The following KIAA0319 variants were observed in gnomAD, a reference collection of about 807,000 sequenced individuals.
KIAA0319 encodes KIAA0319.
KIAA0319 carries 83 observed loss-of-function variants against 108.4 expected under a neutral mutation model. The ratio of observed to expected loss-of-function variants is 0.77; its 90% confidence interval spans 0.64 to 0.92. The LOEUF (loss-of-function observed/expected upper bound fraction) is 0.92. KIAA0319 is among the 40% of genes least tolerant of loss of function. The probability of loss-of-function intolerance (pLI) is 0.00; values close to 1 mark genes in which losing one functional copy is unlikely to be tolerated. For synonymous variants in KIAA0319, 484 were observed against 510.4 expected, an observed-to-expected ratio of 0.95 and a Z score of 0.70; for missense variants, 1,195 against 1,322.4, an observed-to-expected ratio of 0.90 and a Z score of 1.49.
At chr6:24,579,816 T>C (rs750684087) in intron 8 of KIAA0319, 42 bp downstream of exon 8, 53 of 1,486,692 alleles carry the variant, frequency 3.6e-5, no homozygotes, top group Middle Eastern at 3.4e-4. Flanking sequence ...TCGTAGCACG[T>C]AGAGAAAAAA....
At chr6:24,573,380 CAGG>C (rs1203089822) in intron 10 of KIAA0319, among the ~76,000 whole-genome samples, 5 of 152,234 alleles carry the variant, frequency 3.3e-5, no homozygotes, top group African/African-American at 1.2e-4. Context: ...CATCCATCAA[CAGG>C]AGGATGGTCA....
chr6:24,614,221 C>T (rs924762847), intron 1 of KIAA0319, among the ~76,000 whole-genome samples: 1 of 152,164 alleles, frequency 6.6e-6, no homozygotes, highest in Non-Finnish European at 1.5e-5. Flanking sequence ...CCAGGACAGA[C>T]GCCTTGGGAG....
intron 10 of KIAA0319, among the ~76,000 whole-genome samples, chr6:24,574,458 T>C (rs1385784535): frequency 6.6e-6 from 1 of 152,152 alleles, no homozygotes; most frequent in East Asian, 1.9e-4. Context: ...ATAATATAAT[T>C]TTGTAAAACT....
At chr6:24,640,283 G>C (rs1351221179) in intron 1 of KIAA0319, among the ~76,000 whole-genome samples, 3 of 152,228 alleles carry the variant, frequency 2.0e-5, no homozygotes, top group East Asian at 3.9e-4. Flanking sequence ...ATGCCATCAG[G>C]GAAATAGAGA....
chr6:24,635,351 G>T (rs1211850982), intron 1 of KIAA0319, among the ~76,000 whole-genome samples: 1 of 152,088 alleles, frequency 6.6e-6, no homozygotes, highest in Non-Finnish European at 1.5e-5. Flanking sequence ...TGACCCAATC[G>T]CCTTGGCCTC....
At chr6:24,548,817 A>G (rs1761011421) in intron 20 of KIAA0319, among the ~76,000 whole-genome samples, 1 of 152,238 alleles carries the variant, frequency 6.6e-6, no homozygotes, top group Non-Finnish European at 1.5e-5. Flanking sequence ...TTTATCCTAA[A>G]AGCAGAGAAA....
intron 14 of KIAA0319, 40 bp from the exon 15 acceptor site, chr6:24,564,380 C>T (rs538514023): frequency 9.3e-6 from 15 of 1,611,312 alleles, no homozygotes; most frequent in African/African-American, 5.3e-5. Flanking sequence ...TGTCAATCCT[C>T]GGGTCCCAAT....
chr6:24,621,188 T>G (rs1457420426), intron 1 of KIAA0319, among the ~76,000 whole-genome samples: 1 of 152,236 alleles, frequency 6.6e-6, no homozygotes, highest in Non-Finnish European at 1.5e-5. Context: ...CGTTAGCATT[T>G]TCATCTGGAG....
intron 11 of KIAA0319, 65 bp downstream of exon 11, chr6:24,572,510 C>T (rs1006869031): frequency 1.3e-5 from 20 of 1,571,098 alleles, no homozygotes; most frequent in Middle Eastern, 1.7e-4. Flanking sequence ...ATCTCCAAAC[C>T]CCAGAAGCCC....
Position 24,547,054 on chromosome 6 carries a change from A to G in KIAA0319, c.*111T>C. ...GTACGTGGGGATACACATCTAACCC[A>G]CTGGGGAAGAAGGTCAATGAACTAT... On this transcript the variant is annotated 3_prime_UTR_variant, in exon 21 of 21. Coordinates refer to ENST00000378214, the MANE Select transcript of KIAA0319 (RefSeq NM_014809.4). The G allele has an allele frequency of 5.1e-6, 6 of 1,165,272 alleles. No individual in the cohort carries two copies. The highest frequency in any genetic ancestry group is 7.5e-6 in the Non-Finnish European group (6 of 801,794). 72.2% of individuals were successfully genotyped at this position (1,165,272 alleles called of 1,614,324 possible). A position where few individuals can be genotyped will look rare whatever the true frequency, so the allele number is the denominator to read the frequency against.
rs1217167594 is a variant in KIAA0319, at chr6:24,547,144, A to G, written c.*21T>C. Reference sequence around the variant, plus strand: ...GGTCTTGGATTCAAGGGGTCCTTCCACTTTACAATGAACTGCGCCATTATC... The same window carrying G: ...GGTCTTGGATTCAAGGGGTCCTTCCGCTTTACAATGAACTGCGCCATTATC... On this transcript the variant is annotated 3_prime_UTR_variant, in exon 21 of 21. Coordinates refer to ENST00000378214, the MANE Select transcript of KIAA0319 (RefSeq NM_014809.4). The G allele has an allele frequency of 6.2e-7, 1 of 1,613,242 alleles. No individual in the cohort carries two copies. Among genetic ancestry groups the G allele is most frequent in the South Asian group, 1.1e-5 (1 of 91,010 alleles).
chr6:24,551,309 C>G, intron 20 of KIAA0319, 125 bp downstream of exon 20: 1 of 698,770 alleles, frequency 1.4e-6, no homozygotes, highest in Non-Finnish European at 2.6e-6. Flanking sequence ...CCCAGCCTCA[C>G]TCTTCCTTCC....
chr6:24,624,325 C>T (rs932014444), intron 1 of KIAA0319, among the ~76,000 whole-genome samples: 3 of 151,086 alleles, frequency 2.0e-5, no homozygotes, highest in Admixed American at 1.3e-4. Flanking sequence ...CAGTTGTGAG[C>T]CGCCATGCCA....
rs1324159668 is a variant in KIAA0319, at chr6:24,544,356, A to G, written c.*2809T>C. 6.6e-6 allele frequency: 1 copy of G among 152,210 alleles called. No individual in the cohort carries two copies. The highest frequency in any genetic ancestry group is 2.4e-5 in the African/African-American group (1 of 41,454). 9.4% of individuals were successfully genotyped at this position (152,210 alleles called of 1,614,324 possible). A position where few individuals can be genotyped will look rare whatever the true frequency, so the allele number is the denominator to read the frequency against. On this transcript the variant is annotated 3_prime_UTR_variant, in exon 21 of 21. Coordinates refer to ENST00000378214, the MANE Select transcript of KIAA0319 (RefSeq NM_014809.4). Reference sequence around the variant, plus strand: ...CATTACAGAAAATACAGACACCTTTATTTAGATTAGTGCATATATTTAATA... The same window carrying G: ...CATTACAGAAAATACAGACACCTTTGTTTAGATTAGTGCATATATTTAATA...
intron 12 of KIAA0319, 52 bp from the exon 13 acceptor site, chr6:24,568,981 T>C (rs1274484933): frequency 6.4e-7 from 1 of 1,568,224 alleles, no homozygotes; most frequent in Non-Finnish European, 8.8e-7. Context: ...GGGTTTTGAA[T>C]ATGACAGGCA....
intron 9 of KIAA0319, among the ~76,000 whole-genome samples, chr6:24,577,714 T>C (rs1038818251): frequency 2.0e-5 from 3 of 152,160 alleles, no homozygotes; most frequent in Non-Finnish European, 4.4e-5. Flanking sequence ...AGATCCAACT[T>C]CTACTTCTGG....
rs756071583 is a variant in KIAA0319, at chr6:24,564,355, G to A, written c.2293-15C>T. 41 of 1,613,994 alleles carry A rather than the reference G, an allele frequency of 2.5e-5. 1 individual carries two copies. Among genetic ancestry groups the A allele is most frequent in the South Asian group, 1.3e-4 (12 of 91,060 alleles). ...TCGATGACATCCTGCGAAAGAACACGGATCACAGGGCAGCTGTCAATCCTC... is the reference window on the plus strand; with the variant it reads ...TCGATGACATCCTGCGAAAGAACACAGATCACAGGGCAGCTGTCAATCCTC... On this transcript the variant is annotated splice_polypyrimidine_tract_variant and intron_variant, in intron 14 of 20. Coordinates refer to ENST00000378214, the MANE Select transcript of KIAA0319 (RefSeq NM_014809.4).
At chr6:24,621,166 T>C (rs1773874745) in intron 1 of KIAA0319, among the ~76,000 whole-genome samples, 1 of 152,250 alleles carries the variant, frequency 6.6e-6, no homozygotes, top group Non-Finnish European at 1.5e-5. Context: ...AAGGTCTTAT[T>C]CTTTCTTAGG....
intron 3 of KIAA0319, among the ~76,000 whole-genome samples, chr6:24,593,595 G>T (rs1043709195): frequency 4.6e-5 from 7 of 151,206 alleles, no homozygotes; most frequent in Admixed American, 4.6e-4. Context: ...TAGAGATGGG[G>T]TTTCACCATG....
Sources: gnomAD v4.1 joint callset for allele counts (sites outside exome capture counted in the v4.1 genomes callset) on GRCh38, gnomAD v4.1.1 for gene constraint, MANE v1.5 for transcripts, NCBI Gene and HGNC (gene_info 2026-07-23, HGNC 2026-07-21) for gene names.